Variants in PBRM1 observed in about 807,000 individuals in gnomAD.
PBRM1 encodes the protein protein polybromo-1.
Under a neutral mutation model 194.5 loss-of-function variants are expected in PBRM1, and 27 were observed. The ratio of observed to expected loss-of-function variants is 0.14; its 90% confidence interval spans 0.10 to 0.19. PBRM1 has a LOEUF of 0.19. PBRM1 is among the 10% of genes least tolerant of loss of function. The pLI, the probability that PBRM1 is intolerant of heterozygous loss-of-function variation, is 1.00. For missense variants in PBRM1, 1,466 were observed against 2,077.2 expected (o/e 0.71, Z 5.72); for synonymous variants, 655 against 693.2 (o/e 0.94, Z 0.87).
chr3:52,603,889 T>C (rs1320791123), intron 16 of PBRM1, among the ~76,000 whole-genome samples, 157 bp from the exon 19 acceptor site: 6 of 152,202 alleles, frequency 3.9e-5, no homozygotes, highest in Admixed American at 3.9e-4. Context: ...TAGAACAAAA[T>C]CCAAAGTGTC....
At chr3:52,553,404 A>C (rs2081425864) in intron 27 of PBRM1, among the ~76,000 whole-genome samples, 1 of 152,126 alleles carries the variant, frequency 6.6e-6, no homozygotes, top group Non-Finnish European at 1.5e-5. Flanking sequence ...ATATTTCTAT[A>C]TAAAAGAACT....
At chr3:52,650,218 C>G (rs556301880) in intron 6 of PBRM1, among the ~76,000 whole-genome samples, 1 of 151,868 alleles carries the variant, frequency 6.6e-6, no homozygotes, top group South Asian at 2.1e-4. Flanking sequence ...CAAAAATCAG[C>G]CAGGTTTGGT....
intron 17 of PBRM1, among the ~76,000 whole-genome samples, chr3:52,592,193 G>A (rs1424635673): frequency 6.7e-6 from 1 of 150,198 alleles, no homozygotes; most frequent in African/African-American, 2.5e-5. Flanking sequence ...GAGTGCAGTG[G>A]TGCGATCTTG....
intron 3 of PBRM1, among the ~76,000 whole-genome samples, chr3:52,667,308 T>C (rs1290102903): frequency 3.3e-5 from 5 of 151,798 alleles, no homozygotes; most frequent in African/African-American, 1.2e-4. Context: ...TAAACTAAAA[T>C]AAAACATTTC....
intron 17 of PBRM1, among the ~76,000 whole-genome samples, chr3:52,589,905 C>T (rs1385599567): frequency 6.6e-6 from 1 of 151,868 alleles, no homozygotes; most frequent in Non-Finnish European, 1.5e-5. Flanking sequence ...CTCAGCTCAC[C>T]ACAACCTCTG....
intron 13 of PBRM1, among the ~76,000 whole-genome samples, chr3:52,618,593 T>G (rs920484262): frequency 1.5e-4 from 10 of 67,070 alleles, no homozygotes; most frequent in Middle Eastern, 8.9e-3. Flanking sequence ...ATGACTTAGT[T>G]TTTTTTTTTT....
chr3:52,658,707 T>A (rs1028647687), intron 4 of PBRM1, among the ~76,000 whole-genome samples: 1 of 152,152 alleles, frequency 6.6e-6, no homozygotes, highest in Admixed American at 6.6e-5. Context: ...AAGCAACTTC[T>A]AAGCAGTACT....
chr3:52,595,611 T>A (rs1407653864), intron 17 of PBRM1, among the ~76,000 whole-genome samples: 1 of 152,244 alleles, frequency 6.6e-6, no homozygotes, highest in Non-Finnish European at 1.5e-5. Flanking sequence ...AGATAGTTTT[T>A]TCCCACTCTG....
intron 20 of PBRM1, among the ~76,000 whole-genome samples, chr3:52,583,096 CAAAAAAAAAA>C (rs1157790825): frequency 1.6e-5 from 1 of 62,058 alleles, no homozygotes; most frequent in African/African-American, 9.1e-5. Flanking sequence ...GACTCCATCT[CAAAAAAAAAA>C]AAAAAAAAAA....
chr3:52,663,951 T>A (rs1418563122), intron 3 of PBRM1, among the ~76,000 whole-genome samples: 1 of 151,940 alleles, frequency 6.6e-6, no homozygotes, highest in Non-Finnish European at 1.5e-5. Context: ...TCCCAGCTAC[T>A]TGGGAGGCTG....
At chr3:52,572,428 AG>A (rs1016638875) in intron 22 of PBRM1, among the ~76,000 whole-genome samples, 1 of 152,030 alleles carries the variant, frequency 6.6e-6, no homozygotes, top group African/African-American at 2.4e-5. Flanking sequence ...GCTGGAATCC[AG>A]TAGAGTGATC....
chr3:52,660,273 C>G (rs967173683), intron 4 of PBRM1, among the ~76,000 whole-genome samples: 3 of 152,092 alleles, frequency 2.0e-5, no homozygotes, highest in African/African-American at 7.2e-5. Flanking sequence ...AGTGTTCTAC[C>G]GAAGAAAGCA....
chr3:52,604,405 T>C (rs2094204288), intron 16 of PBRM1, among the ~76,000 whole-genome samples: 1 of 152,204 alleles, frequency 6.6e-6, no homozygotes, highest in African/African-American at 2.4e-5. Flanking sequence ...CCTTCCTCAT[T>C]TATGAAATAA....
chr3:52,651,947 G>A lies in PBRM1; in HGVS notation c.646-137C>T. 1.0e-5 allele frequency: 6 copies of A among 582,752 alleles called. No homozygotes were observed. The South Asian group carries it at 1.2e-4, about 11-fold the overall frequency. The allele number at this position is 582,752 out of a possible 1,614,324, so 36.1% of individuals were successfully genotyped here. On this transcript the variant is annotated intron_variant, in intron 5 of 29. Coordinates refer to ENST00000296302, the Ensembl canonical transcript of PBRM1. The stretch of plus-strand genomic sequence containing the variant: ...GAGATTCAAGACTAAAGACATGGCT[G>A]TACAGCACATTTATTATATCAGAAC...
chr3:52,577,281 A>C (rs374726655), intron 21 of PBRM1, among the ~76,000 whole-genome samples: 2 of 152,162 alleles, frequency 1.3e-5, no homozygotes, highest in South Asian at 4.2e-4. Context: ...AAATACAAAA[A>C]TTAGCCAGCC....
At chr3:52,637,982 A>G (rs2095892354) in intron 10 of PBRM1, among the ~76,000 whole-genome samples, 1 of 151,900 alleles carries the variant, frequency 6.6e-6, no homozygotes, top group Non-Finnish European at 1.5e-5. Context: ...GAGATACTTT[A>G]TATCAATATC....
rs896430567 is a variant in PBRM1 at position 52,573,890 on chromosome 3, A to G, written c.3691+2651T>C. ...GGCAGCCTTGAAGATGGCAGCCTCTATTCCTGGTGTAAGATTGTGGTGATA... is the reference window on the plus strand; with the variant it reads ...GGCAGCCTTGAAGATGGCAGCCTCTGTTCCTGGTGTAAGATTGTGGTGATA... On this transcript the variant is annotated intron_variant, in intron 22 of 29. Coordinates refer to ENST00000296302, the Ensembl canonical transcript of PBRM1. Among the ~76,000 whole-genome samples the G allele has an allele frequency of 7.9e-4, 120 of 152,300 alleles. 2 individuals carry two copies. The highest frequency in any genetic ancestry group is 2.6e-3 in the African/African-American group (109 of 41,564).
At chr3:52,615,408 T>C (rs140241012) in exon 15 of PBRM1, 1 of 1,612,828 alleles carries the variant, frequency 6.2e-7, no homozygotes, top group Non-Finnish European at 8.5e-7. Context: ...CCCAGCTCTT[T>C]CCTTTTCTCC....
intron 15 of PBRM1, among the ~76,000 whole-genome samples, chr3:52,611,182 GACAC>G (rs1439752748): frequency 3.3e-5 from 5 of 151,882 alleles, no homozygotes; most frequent in African/African-American, 1.2e-4. Context: ...CAAAAAGCAA[GACAC>G]ACACAAAAAA....
Sources: allele counts gnomAD v4.1 joint callset (sites outside exome capture counted in the v4.1 genomes callset), GRCh38; gene constraint gnomAD v4.1.1; transcripts MANE v1.5; gene names NCBI Gene and HGNC (gene_info 2026-07-23, HGNC 2026-07-21).